Variants in ARIH1 observed in about 807,000 individuals in gnomAD.
The protein encoded by ARIH1 is E3 ubiquitin-protein ligase ARIH1.
ARIH1 carries 8 observed loss-of-function variants against 85.0 expected under a neutral mutation model. That is an observed-to-expected ratio of 0.09 (90% confidence interval 0.06 to 0.17). ARIH1 has a LOEUF of 0.17. Ranked by LOEUF, ARIH1 falls within the 10% of genes least tolerant of loss-of-function variation. The pLI is 1.00. For synonymous variants in ARIH1, 238 were observed against 253.6 expected (o/e 0.94, Z 0.59); for missense variants, 311 against 718.1 (o/e 0.43, Z 6.48).
At chr15:72,512,749 T>C (rs1389634817) in intron 1 of ARIH1, among the ~76,000 whole-genome samples, 1 of 152,094 alleles carries the variant, frequency 6.6e-6, no homozygotes, top group Non-Finnish European at 1.5e-5. Flanking sequence ...TAATTTTCTT[T>C]GAGATTTCCT....
Position 72,596,120 on chromosome 15 carries a change from A to G in ARIH1, c.*12828A>G, listed in dbSNP as rs1286553269. On this transcript the variant is annotated 3_prime_UTR_variant, in exon 14 of 14. Transcript: ENST00000379887. Reference sequence around the variant, plus strand: ...ACAGGTCACTAGGCGTAGTAGGGCTACTACGCCTGGCCCTACTGCAGTTTT... The same window carrying G: ...ACAGGTCACTAGGCGTAGTAGGGCTGCTACGCCTGGCCCTACTGCAGTTTT... The G allele has an allele frequency of 6.6e-6, 1 of 152,116 alleles. No individual in the cohort carries two copies. The highest frequency in any genetic ancestry group is 2.4e-5 in the African/African-American group (1 of 41,436). 9.4% of individuals were successfully genotyped at this position (152,116 alleles called of 1,614,324 possible).
chr15:72,564,679 G>A (rs923530199), intron 7 of ARIH1, among the ~76,000 whole-genome samples: 2 of 152,090 alleles, frequency 1.3e-5, no homozygotes, highest in South Asian at 2.1e-4. Context: ...TAAACTGGGC[G>A]GCTTCTAAAC....
At chr15:72,554,814 T>C (rs2064168048) in intron 3 of ARIH1, among the ~76,000 whole-genome samples, 1 of 152,124 alleles carries the variant, frequency 6.6e-6, no homozygotes, top group African/African-American at 2.4e-5. Flanking sequence ...AGTGCAGTGG[T>C]GTGATCTCAG....
Position 72,484,186 on chromosome 15 carries a change from A to G in ARIH1, c.375+9172A>G, listed in dbSNP as rs1477683033. On this transcript the variant is annotated intron_variant, in intron 1 of 13. Transcript: ENST00000379887. ...GAAACTCCATCAAAAAAAAAAAAAA[A>G]AAAGAAGAAAAGAAAAGAAAATTGT... Among the ~76,000 whole-genome samples, 5 of 151,486 alleles carry G rather than the reference A, an allele frequency of 3.3e-5. No individual in the cohort carries two copies. In the East Asian group the frequency reaches 7.7e-4, roughly 23 times the overall value.
intron 2 of ARIH1, among the ~76,000 whole-genome samples, chr15:72,521,625 T>C (rs186474535): frequency 2.6e-5 from 4 of 152,064 alleles, no homozygotes; most frequent in Non-Finnish European, 5.9e-5. Flanking sequence ...CTCGGCTCAC[T>C]GCAACCTCCG....
chr15:72,482,342 C>T (rs2063819793), intron 1 of ARIH1, among the ~76,000 whole-genome samples: 1 of 152,128 alleles, frequency 6.6e-6, no homozygotes, highest in African/African-American at 2.4e-5. Flanking sequence ...AGTTGAGAAT[C>T]TCTTAGAGTT....
In ARIH1 at chr15:72,514,270, A is replaced by G. The variant is rs551006300; in HGVS notation, c.376-3797A>G. 3.9e-5 allele frequency among the ~76,000 whole-genome samples: 6 copies of G among 152,238 alleles called. 1 individual carries two copies. In the South Asian group the frequency reaches 1.0e-3, roughly 26 times the overall value. On this transcript the variant is annotated intron_variant, in intron 1 of 13. Transcript: ENST00000379887. The stretch of plus-strand genomic sequence containing the variant: ...CTGAGAGATTGTTTGTTTTTAAAAA[A>G]TATTTCTTCTCTCTTTTGTTAAGAT...
chr15:72,538,185 G>A (rs1240120976), intron 2 of ARIH1, among the ~76,000 whole-genome samples: 6 of 152,084 alleles, frequency 3.9e-5, no homozygotes, highest in South Asian at 2.1e-4. Context: ...CCAACATGGC[G>A]AAACCCCATC....
In ARIH1 at chr15:72,596,843, C is replaced by G. The variant is rs947924090; in HGVS notation, c.*13551C>G. On this transcript the variant is annotated 3_prime_UTR_variant, in exon 14 of 14. Coordinates refer to ENST00000379887, the MANE Select transcript of ARIH1 (RefSeq NM_005744.5). The stretch of plus-strand genomic sequence containing the variant: ...GCATTTCATTATATTTGTATAGTTA[C>G]AATTTTCTGCTGAAATTTCCTATTT... 6.6e-6 allele frequency: 1 copy of G among 151,964 alleles called. No individual in the cohort carries two copies. 9.4% of individuals were successfully genotyped at this position (151,964 alleles called of 1,614,324 possible). A position where few individuals can be genotyped will look rare whatever the true frequency, so the allele number is the denominator to read the frequency against.
intron 2 of ARIH1, among the ~76,000 whole-genome samples, chr15:72,519,650 AT>A (rs1443726355): frequency 1.3e-5 from 2 of 151,174 alleles, no homozygotes; most frequent in African/African-American, 4.9e-5. Flanking sequence ...TGCCTGGCTA[AT>A]TTTTGTATTT....
At chr15:72,498,814 T>G (rs1334643271) in intron 1 of ARIH1, among the ~76,000 whole-genome samples, 1 of 151,088 alleles carries the variant, frequency 6.6e-6, no homozygotes, top group East Asian at 1.9e-4. Flanking sequence ...CATTCCAGCC[T>G]GGGCAACAAG....
At chr15:72,497,686 A>G (rs1024882913) in intron 1 of ARIH1, among the ~76,000 whole-genome samples, 1 of 152,180 alleles carries the variant, frequency 6.6e-6, no homozygotes, top group Admixed American at 6.5e-5. Context: ...ATCATTTTCT[A>G]TGCTGTTATG....
In ARIH1 at chr15:72,594,741, A is replaced by T. The variant is rs1267784511; in HGVS notation, c.*11449A>T. The T allele has an allele frequency of 6.6e-6, 1 of 150,962 alleles. No homozygotes were observed. Among genetic ancestry groups the T allele is most frequent in the Non-Finnish European group, 1.5e-5 (1 of 67,850 alleles). The allele number at this position is 150,962 out of a possible 1,614,324, so 9.4% of individuals were successfully genotyped here. A position where few individuals can be genotyped will look rare whatever the true frequency, so the allele number is the denominator to read the frequency against. ...TGTAGACTCCGTAGAGTTTTATATT[A>T]AATAGATACACAACAGTGTAGTCTG... On this transcript the variant is annotated 3_prime_UTR_variant, in exon 14 of 14. Coordinates refer to ENST00000379887, the MANE Select transcript of ARIH1 (RefSeq NM_005744.5).
chr15:72,543,873 T>G (rs1461585265), intron 2 of ARIH1, among the ~76,000 whole-genome samples: 1 of 152,108 alleles, frequency 6.6e-6, no homozygotes, highest in Non-Finnish European at 1.5e-5. Flanking sequence ...TATCTATTGC[T>G]TTTCCCTTTT....
intron 6 of ARIH1, among the ~76,000 whole-genome samples, chr15:72,563,157 C>G (rs964302978): frequency 1.6e-4 from 25 of 152,170 alleles, no homozygotes; most frequent in African/African-American, 6.0e-4. Context: ...CTCAAGTGAT[C>G]CTCTTGCCTC....
intron 1 of ARIH1, among the ~76,000 whole-genome samples, chr15:72,475,550 G>A (rs1238709666): frequency 2.6e-5 from 4 of 152,180 alleles, no homozygotes; most frequent in Non-Finnish European, 4.4e-5. Context: ...AAAGGTGGGG[G>A]AAGGGAAGTA....
chr15:72,536,903 TA>T (rs1194061588), intron 2 of ARIH1, among the ~76,000 whole-genome samples: 5 of 152,190 alleles, frequency 3.3e-5, no homozygotes, highest in Non-Finnish European at 5.9e-5. Flanking sequence ...AATGCCTTTT[TA>T]AAAAAAATTA....
intron 1 of ARIH1, among the ~76,000 whole-genome samples, chr15:72,477,190 G>A (rs1003261161): frequency 6.6e-6 from 1 of 152,130 alleles, no homozygotes; most frequent in African/African-American, 2.4e-5. Context: ...TTGAATTTAT[G>A]TTTATTGGGC....
At chr15:72,572,216 A>T in intron 11 of ARIH1, 51 bp downstream of exon 11, 2 of 1,194,042 alleles carry the variant, frequency 1.7e-6, no homozygotes, top group South Asian at 1.3e-5. Flanking sequence ...CACGTTGTAT[A>T]TTCATATTCA....
Sources: gnomAD v4.1 joint callset for allele counts (sites outside exome capture counted in the v4.1 genomes callset) on GRCh38, gnomAD v4.1.1 for gene constraint, MANE v1.5 for transcripts, NCBI Gene and HGNC (gene_info 2026-07-23, HGNC 2026-07-21) for gene names.